The following CHCHD3 variants were observed in gnomAD, a reference collection of about 807,000 sequenced individuals.
CHCHD3 encodes the protein coiled-coil-helix-coiled-coil-helix domain containing 3, also known as MICOS complex subunit MIC19.
CHCHD3 carries 20 observed loss-of-function variants against 38.2 expected under a neutral mutation model. The ratio of observed to expected loss-of-function variants is 0.52; its 90% CI spans 0.37 to 0.76. The LOEUF (loss-of-function observed/expected upper bound fraction) is 0.76. Ranked by LOEUF, CHCHD3 falls within the 30% of genes least tolerant of loss-of-function variation. The probability of loss-of-function intolerance (pLI) is 0.00; values close to 1 mark genes in which losing one functional copy is unlikely to be tolerated. For missense variants in CHCHD3, 245 were observed against 279.2 expected, an observed-to-expected ratio of 0.88 and a Z score of 0.87; for synonymous variants, 82 against 100.0, an observed-to-expected ratio of 0.82 and a Z score of 1.07.
chr7:133,018,566 T>C (rs966559161), intron 3 of CHCHD3, among the ~76,000 whole-genome samples: 2 of 152,214 alleles, frequency 1.3e-5, no homozygotes, highest in African/African-American at 4.8e-5. Flanking sequence ...GTTGAAGGTA[T>C]GTAATTTTCA....
chr7:132,861,064 T>A (rs554480126), intron 5 of CHCHD3, among the ~76,000 whole-genome samples: 6 of 152,268 alleles, frequency 3.9e-5, no homozygotes, highest in African/African-American at 1.2e-4. Context: ...ATGGTGGTAA[T>A]AGACTTAAAA....
intron 4 of CHCHD3, among the ~76,000 whole-genome samples, chr7:132,969,017 A>G (rs1272395021): frequency 6.6e-6 from 1 of 152,196 alleles, no homozygotes; most frequent in African/African-American, 2.4e-5. Context: ...AAAATTAATC[A>G]ATTCTTCTTC....
At chr7:133,012,569 G>A (rs928256895) in intron 3 of CHCHD3, among the ~76,000 whole-genome samples, 1 of 152,006 alleles carries the variant, frequency 6.6e-6, no homozygotes, top group Admixed American at 6.5e-5. Flanking sequence ...TTCGAGACCA[G>A]CCTGGGCAAC....
intron 4 of CHCHD3, among the ~76,000 whole-genome samples, chr7:132,895,739 C>T (rs1200515082): frequency 6.6e-6 from 1 of 152,222 alleles, no homozygotes; most frequent in African/African-American, 2.4e-5. Context: ...CCTTTGCCTT[C>T]CGCCATGATT....
At chr7:132,931,952 C>T (rs1810525209) in intron 4 of CHCHD3, among the ~76,000 whole-genome samples, 1 of 152,134 alleles carries the variant, frequency 6.6e-6, no homozygotes, top group African/African-American at 2.4e-5. Context: ...AAACAGCCAG[C>T]TGTGAGTCAG....
At chr7:132,941,431 C>T (rs971622834) in intron 4 of CHCHD3, among the ~76,000 whole-genome samples, 1 of 152,090 alleles carries the variant, frequency 6.6e-6, no homozygotes, top group Admixed American at 6.6e-5. Context: ...CTTTCCTTGT[C>T]CTCTTCAAAA....
rs183548291 is a variant in CHCHD3, at chr7:132,903,829, C to G, written c.370-18084G>C. Reference sequence around the variant, plus strand: ...GCAAGTATTCGAACTGAGGAACTAACTGATCAGATTCCAGACCAGAGGAAA... The same window carrying G: ...GCAAGTATTCGAACTGAGGAACTAAGTGATCAGATTCCAGACCAGAGGAAA... On this transcript the variant is annotated intron_variant, in intron 4 of 7. Transcript: ENST00000262570. 3.9e-3 allele frequency among the ~76,000 whole-genome samples: 596 copies of G among 152,336 alleles called. 3 individuals are homozygous for G. Among genetic ancestry groups the G allele is most frequent in the African/African-American group, 0.014 (573 of 41,578 alleles).
chr7:132,855,826 ATG>A (rs1808331597), intron 5 of CHCHD3, among the ~76,000 whole-genome samples: 1 of 138,392 alleles, frequency 7.2e-6, no homozygotes, highest in African/African-American at 2.6e-5. Flanking sequence ...CAGTTCATTC[ATG>A]TGGTACTGAA....
intron 4 of CHCHD3, among the ~76,000 whole-genome samples, chr7:132,934,041 T>C (rs2117259902): frequency 6.6e-6 from 1 of 152,292 alleles, no homozygotes; most frequent in South Asian, 2.1e-4. Flanking sequence ...GATTAAAGGT[T>C]TAGCTGAATA....
intron 5 of CHCHD3, among the ~76,000 whole-genome samples, chr7:132,883,092 C>G (rs139484281): frequency 2.6e-5 from 4 of 152,118 alleles, no homozygotes; most frequent in African/African-American, 9.7e-5. Flanking sequence ...CACCTTCTGC[C>G]GTAATTGTAA....
chr7:132,856,142 T>G (rs527539340), intron 5 of CHCHD3, among the ~76,000 whole-genome samples: 65 of 152,342 alleles, frequency 4.3e-4, no homozygotes, highest in Non-Finnish European at 7.2e-4. Flanking sequence ...CCATGTGGGC[T>G]GCAAGTCTCC....
At chr7:132,925,038 T>C (rs1349644062) in intron 4 of CHCHD3, among the ~76,000 whole-genome samples, 1 of 152,148 alleles carries the variant, frequency 6.6e-6, no homozygotes, top group East Asian at 1.9e-4. Flanking sequence ...TCATTTATAA[T>C]GGATGAAAGA....
intron 3 of CHCHD3, among the ~76,000 whole-genome samples, chr7:133,021,280 A>C (rs1361293108): frequency 6.6e-6 from 1 of 152,214 alleles, no homozygotes; most frequent in East Asian, 1.9e-4. Context: ...ACTTGCAGCA[A>C]TATATTTCAT....
At chr7:133,034,983 T>C (rs1167721010) in intron 2 of CHCHD3, 3 of 1,606,680 alleles carry the variant, frequency 1.9e-6, no homozygotes, top group Non-Finnish European at 2.6e-6. Flanking sequence ...CTTATCAAAG[T>C]GCTCCCAGAA....
chr7:132,951,310 G>C (rs79766754), intron 4 of CHCHD3, among the ~76,000 whole-genome samples: 1 of 152,172 alleles, frequency 6.6e-6, no homozygotes, highest in Non-Finnish European at 1.5e-5. Flanking sequence ...TCAAGAAATA[G>C]AGTCCCTGGC....
intron 4 of CHCHD3, among the ~76,000 whole-genome samples, chr7:132,931,275 T>C (rs1194463205): frequency 1.3e-5 from 2 of 152,224 alleles, no homozygotes; most frequent in Non-Finnish European, 2.9e-5. Flanking sequence ...TGAGATAACA[T>C]ACATAAAAGT....
intron 1 of CHCHD3, among the ~76,000 whole-genome samples, chr7:133,074,742 T>C (rs912685513): frequency 2.6e-5 from 4 of 152,168 alleles, no homozygotes; most frequent in African/African-American, 9.7e-5. Context: ...ATATAATATA[T>C]ATAAATCTCA....
chr7:132,935,071 C>T (rs1810604497), intron 4 of CHCHD3, among the ~76,000 whole-genome samples: 1 of 152,028 alleles, frequency 6.6e-6, no homozygotes, highest in Non-Finnish European at 1.5e-5. Context: ...TCCACTGGAC[C>T]CCCAAAGGAC....
At chr7:132,875,107 G>A (rs537831277) in intron 5 of CHCHD3, among the ~76,000 whole-genome samples, 40 of 152,248 alleles carry the variant, frequency 2.6e-4, no homozygotes, top group Non-Finnish European at 4.9e-4. Context: ...GAAATCTCAG[G>A]TGATATACTG....
Sources: gnomAD v4.1 joint callset for allele counts (sites outside exome capture counted in the v4.1 genomes callset) on GRCh38, gnomAD v4.1.1 for gene constraint, MANE v1.5 for transcripts, NCBI Gene and HGNC (gene_info 2026-07-23, HGNC 2026-07-21) for gene names.